GALNT17: variants seen among roughly 807,000 people sequenced by gnomAD.
GALNT17 encodes polypeptide N-acetylgalactosaminyltransferase 17.
In GALNT17, 29 loss-of-function variants were observed where a neutral mutation model predicts 63.7. That is an observed-to-expected ratio of 0.46 (90% confidence interval 0.34 to 0.62). GALNT17 has a LOEUF of 0.62. Among genes scored for constraint, GALNT17 ranks in the 20% least tolerant of loss-of-function variants. The pLI is 0.01. For synonymous variants in GALNT17, 305 were observed against 318.3 expected, an observed-to-expected ratio of 0.96 and a Z score of 0.45; for missense variants, 603 against 799.6, an observed-to-expected ratio of 0.75 and a Z score of 2.97.
intron 2 of GALNT17, among the ~76,000 whole-genome samples, chr7:71,341,297 C>G (rs1397685953): frequency 6.6e-6 from 1 of 151,910 alleles, no homozygotes; most frequent in Non-Finnish European, 1.5e-5. Flanking sequence ...GTGGAAAGAT[C>G]AAAAGAAATT....
Position 71,456,485 on chromosome 7 carries a change from G to A in GALNT17, c.962+35380G>A, listed in dbSNP as rs200028772. 3.3e-5 allele frequency among the ~76,000 whole-genome samples: 5 copies of A among 152,050 alleles called. No homozygotes were observed. The East Asian group carries it at 9.7e-4, about 29-fold the overall frequency. On this transcript the variant is annotated intron_variant, in intron 5 of 10. Coordinates refer to ENST00000333538, the MANE Select transcript of GALNT17 (RefSeq NM_022479.3). ...AGGCCGAGGCGGGTGGGAGGCCTAG[G>A]TGGGTGGATAACCTGAGGTCAGGAG...
At chr7:71,474,936 G>T (rs956078995) in intron 5 of GALNT17, among the ~76,000 whole-genome samples, 12 of 152,112 alleles carry the variant, frequency 7.9e-5, no homozygotes, top group Non-Finnish European at 1.5e-4. Flanking sequence ...AGATTAGAAG[G>T]TGGTGTGACC....
At chr7:71,639,401 C>A (rs957439299) in intron 6 of GALNT17, among the ~76,000 whole-genome samples, 1 of 152,226 alleles carries the variant, frequency 6.6e-6, no homozygotes, top group South Asian at 2.1e-4. Flanking sequence ...GAGGCCCCAT[C>A]TTCTCCTCCT....
intron 1 of GALNT17, among the ~76,000 whole-genome samples, chr7:71,243,697 A>G (rs774227446): frequency 1.2e-4 from 18 of 152,126 alleles, no homozygotes; most frequent in Non-Finnish European, 2.2e-4. Context: ...GTGCTGCTGC[A>G]TCCAGCCCTT....
At chr7:71,555,900 G>A (rs569083281) in intron 5 of GALNT17, among the ~76,000 whole-genome samples, 1 of 152,298 alleles carries the variant, frequency 6.6e-6, no homozygotes, top group South Asian at 2.1e-4. Context: ...TTGAAATCCG[G>A]GCTTAGGGAC....
chr7:71,701,907 A>ACATATATATGTG (rs1562742692), intron 9 of GALNT17, among the ~76,000 whole-genome samples: 1 of 126,648 alleles, frequency 7.9e-6, no homozygotes, highest in South Asian at 2.5e-4. Flanking sequence ...ACATATATAT[A>ACATATATATGTG]TATACATATA....
chr7:71,652,392 G>A (rs1027254650), intron 6 of GALNT17, among the ~76,000 whole-genome samples: 33 of 152,102 alleles, frequency 2.2e-4, no homozygotes, highest in African/African-American at 4.8e-4. Flanking sequence ...TTATGCAACC[G>A]TCCCGTTTAG....
intron 6 of GALNT17, among the ~76,000 whole-genome samples, chr7:71,657,902 A>ATGGG (rs1327853757): frequency 5.6e-4 from 8 of 14,292 alleles, no homozygotes; most frequent in Non-Finnish European, 7.1e-4. Flanking sequence ...GGATGGATGG[A>ATGGG]TGGGTGGATG....
intron 1 of GALNT17, among the ~76,000 whole-genome samples, chr7:71,219,865 T>C (rs1421193099): frequency 1.3e-5 from 2 of 152,192 alleles, no homozygotes; most frequent in Non-Finnish European, 2.9e-5. Flanking sequence ...TTCTGTGCAT[T>C]GTGGTGGTAA....
intron 1 of GALNT17, among the ~76,000 whole-genome samples, chr7:71,323,401 G>A (rs768855465): frequency 6.6e-6 from 1 of 152,144 alleles, no homozygotes; most frequent in African/African-American, 2.4e-5. Flanking sequence ...AAGATTCTAA[G>A]TTGGACTGCA....
chr7:71,409,017 AACACACAC>A (rs10674037), intron 3 of GALNT17, among the ~76,000 whole-genome samples: 35 of 144,946 alleles, frequency 2.4e-4, no homozygotes, highest in Non-Finnish European at 3.3e-4. Context: ...CACATACACA[AACACACAC>A]ACACACACAC....
At chr7:71,709,128 G>A (rs187108097) in intron 9 of GALNT17, among the ~76,000 whole-genome samples, 3 of 152,260 alleles carry the variant, frequency 2.0e-5, no homozygotes, top group Non-Finnish European at 4.4e-5. Flanking sequence ...TCTTTGATAA[G>A]TCTCCAAACT....
intron 8 of GALNT17, among the ~76,000 whole-genome samples, chr7:71,676,973 G>C (rs1367222785): frequency 6.6e-6 from 1 of 152,184 alleles, no homozygotes; most frequent in Non-Finnish European, 1.5e-5. Context: ...TGCTGTGAGG[G>C]TGGGGGGGCA....
At chr7:71,301,851 C>T (rs1464671006) in intron 1 of GALNT17, among the ~76,000 whole-genome samples, 3 of 152,150 alleles carry the variant, frequency 2.0e-5, no homozygotes, top group African/African-American at 4.8e-5. Flanking sequence ...TTTGAATGAA[C>T]CCTTTATAGG....
chr7:71,695,213 T>A (rs1385672403), intron 9 of GALNT17, among the ~76,000 whole-genome samples: 1 of 152,144 alleles, frequency 6.6e-6, no homozygotes, highest in Non-Finnish European at 1.5e-5. Flanking sequence ...TCTCCACAGG[T>A]CATGTGGGCC....
intron 5 of GALNT17, among the ~76,000 whole-genome samples, chr7:71,487,171 C>G (rs1273322788): frequency 6.6e-6 from 1 of 152,216 alleles, no homozygotes; most frequent in Non-Finnish European, 1.5e-5. Context: ...CAGTCTGCTT[C>G]CCTCACTCCC....
chr7:71,681,931 G>A (rs1403392742), intron 9 of GALNT17, among the ~76,000 whole-genome samples: 1 of 151,942 alleles, frequency 6.6e-6, no homozygotes, highest in Non-Finnish European at 1.5e-5. Context: ...TTGTTTGTTT[G>A]TTTGTTTTGT....
At chr7:71,479,184 G>A (rs1371111872) in intron 5 of GALNT17, among the ~76,000 whole-genome samples, 1 of 151,950 alleles carries the variant, frequency 6.6e-6, no homozygotes, top group Admixed American at 6.6e-5. Context: ...CTTTTACAGT[G>A]GATTCAGAAT....
chr7:71,509,188 A>G (rs1402000957), intron 5 of GALNT17, among the ~76,000 whole-genome samples: 1 of 152,188 alleles, frequency 6.6e-6, no homozygotes, highest in East Asian at 1.9e-4. Context: ...ATTACATGAG[A>G]TATGCAACAC....
Sources: gnomAD v4.1 joint callset for allele counts (sites outside exome capture counted in the v4.1 genomes callset) on GRCh38, gnomAD v4.1.1 for gene constraint, MANE v1.5 for transcripts, NCBI Gene and HGNC (gene_info 2026-07-23, HGNC 2026-07-21) for gene names.